Variants in ARB2A observed in about 807,000 individuals in gnomAD.
The protein encoded by ARB2A is ARB2 cotranscriptional regulator A, also known as cotranscriptional regulator ARB2A.
chr5:94,077,980 T>TG, the ARB2A span, among the ~76,000 whole-genome samples: 1 of 152,228 alleles, frequency 6.6e-6, no homozygotes, highest in African/African-American at 2.4e-5. Context: ...TGTGTAATCT[T>TG]TATCCAGTCA....
At chr5:94,000,005 T>G in the ARB2A span, among the ~76,000 whole-genome samples, 1 of 152,092 alleles carries the variant, frequency 6.6e-6, no homozygotes, top group Non-Finnish European at 1.5e-5. Context: ...GCTCATTTCT[T>G]TTTAGCACTG....
the ARB2A span, among the ~76,000 whole-genome samples, chr5:93,644,303 G>C: frequency 6.6e-6 from 1 of 152,138 alleles, no homozygotes; most frequent in Non-Finnish European, 1.5e-5. Flanking sequence ...TTTACTGCTC[G>C]TGTTAGCACA....
At chr5:93,872,617 T>C in the ARB2A span, among the ~76,000 whole-genome samples, 91 of 152,252 alleles carry the variant, frequency 6.0e-4, 4 homozygotes, top group East Asian at 0.014. Context: ...CTGGGTACAC[T>C]TAATAACGGC....
the ARB2A span, among the ~76,000 whole-genome samples, chr5:93,802,631 C>T: frequency 6.6e-6 from 1 of 151,920 alleles, no homozygotes; most frequent in Admixed American, 6.6e-5. Context: ...CATAATTATG[C>T]TTTTATAAAA....
At chr5:93,832,645 G>A in the ARB2A span, among the ~76,000 whole-genome samples, 3 of 152,180 alleles carry the variant, frequency 2.0e-5, no homozygotes, top group African/African-American at 4.8e-5. Context: ...ACCCCTGGTC[G>A]CTTGCCTATG....
the ARB2A span, among the ~76,000 whole-genome samples, chr5:93,870,580 A>G: frequency 6.6e-6 from 1 of 152,250 alleles, no homozygotes; most frequent in African/African-American, 2.4e-5. Context: ...CTATTTCATT[A>G]TAGTATTAAG....
the ARB2A span, among the ~76,000 whole-genome samples, chr5:94,009,515 T>C: frequency 6.7e-3 from 1,014 of 152,096 alleles, 13 homozygotes; most frequent in African/African-American, 0.023. Context: ...TACATAGAAT[T>C]AATATTAAAA....
chr5:93,709,738 A>G, the ARB2A span, among the ~76,000 whole-genome samples: 1 of 151,800 alleles, frequency 6.6e-6, no homozygotes, highest in East Asian at 1.9e-4. Flanking sequence ...ATAAGGTGCT[A>G]TAAATCCATA....
At chr5:93,627,655 TG>T in the ARB2A span, among the ~76,000 whole-genome samples, 1 of 152,178 alleles carries the variant, frequency 6.6e-6, no homozygotes, top group South Asian at 2.1e-4. Flanking sequence ...TTGGTCAGGC[TG>T]GTCTTGAACT....
At chr5:93,827,058 A>G in the ARB2A span, among the ~76,000 whole-genome samples, 1 of 151,976 alleles carries the variant, frequency 6.6e-6, no homozygotes, top group East Asian at 1.9e-4. Context: ...ATAAACATAC[A>G]AGTGCATGTG....
At chr5:94,004,998 C>CAAAAAAAAAAA in the ARB2A span, among the ~76,000 whole-genome samples, 79 of 12,534 alleles carry the variant, frequency 6.3e-3, 5 homozygotes, top group Non-Finnish European at 9.7e-3. Flanking sequence ...ATTTTATCAG[C>CAAAAAAAAAAA]AAAAAAAAAA....
At chr5:93,917,302 T>A in the ARB2A span, among the ~76,000 whole-genome samples, 1 of 152,152 alleles carries the variant, frequency 6.6e-6, no homozygotes, top group Non-Finnish European at 1.5e-5. Flanking sequence ...TAAAGGGGCA[T>A]TATCCCCATT....
chr5:94,061,039 TCATCCTGGCTAA>T, the ARB2A span, among the ~76,000 whole-genome samples: 2 of 151,970 alleles, frequency 1.3e-5, no homozygotes, highest in East Asian at 3.9e-4. Flanking sequence ...GATATCAAGA[TCATCCTGGCTAA>T]CACGGTGAAA....
chr5:93,653,862 C>T, the ARB2A span, among the ~76,000 whole-genome samples: 175 of 152,332 alleles, frequency 1.1e-3, 3 homozygotes, highest in East Asian at 0.031. Context: ...ATTAAATGAA[C>T]TGCCAAAGGC....
chr5:93,968,984 TTC>T, the ARB2A span, among the ~76,000 whole-genome samples: 1 of 151,458 alleles, frequency 6.6e-6, no homozygotes, highest in Non-Finnish European at 1.5e-5. Context: ...AATAATGACT[TTC>T]TGAGACAAAT....
At chr5:93,646,730 G>A in the ARB2A span, among the ~76,000 whole-genome samples, 2 of 151,940 alleles carry the variant, frequency 1.3e-5, no homozygotes, top group Admixed American at 1.3e-4. Flanking sequence ...CATGTATAGT[G>A]ATGTGATTCG....
chr5:93,969,543 A>G, the ARB2A span, among the ~76,000 whole-genome samples: 1 of 152,168 alleles, frequency 6.6e-6, no homozygotes, highest in Non-Finnish European at 1.5e-5. Flanking sequence ...TCAAGGAATT[A>G]GAGTCTGACT....
chr5:93,898,383 T>C, the ARB2A span, among the ~76,000 whole-genome samples: 2,042 of 152,048 alleles, frequency 0.013, 22 homozygotes, highest in Non-Finnish European at 0.018. Context: ...CATACACATA[T>C]GGTACTCTCC....
At chr5:94,096,684 A>C in the ARB2A span, among the ~76,000 whole-genome samples, 12 of 152,216 alleles carry the variant, frequency 7.9e-5, no homozygotes, top group African/African-American at 2.7e-4. Flanking sequence ...AAGAGCCACG[A>C]TGGCCAGCTA....
Sources: gnomAD v4.1 joint callset for allele counts (sites outside exome capture counted in the v4.1 genomes callset) on GRCh38, gnomAD v4.1.1 for gene constraint, MANE v1.5 for transcripts, NCBI Gene and HGNC (gene_info 2026-07-23, HGNC 2026-07-21) for gene names.